The following PDE3A variants were observed in gnomAD, a reference collection of about 807,000 sequenced individuals.
PDE3A encodes the protein cGMP-inhibited 3',5'-cyclic phosphodiesterase 3A.
Under a neutral mutation model 98.3 loss-of-function variants are expected in PDE3A, and 43 were observed. The observed-to-expected ratio is 0.44, with a 90% CI of 0.34 to 0.56. The LOEUF is 0.56. Among genes scored for constraint, PDE3A ranks in the 20% least tolerant of loss-of-function variants. The pLI is 0.01. For missense variants in PDE3A, 1,427 were observed against 1,440.7 expected, an observed-to-expected ratio of 0.99 and a Z score of 0.15; for synonymous variants, 663 against 567.9, an observed-to-expected ratio of 1.17 and a Z score of -2.38.
rs1944794470 is a variant in PDE3A, at chr12:20,647,169, C to T, written c.2565+219C>T. ...ACTTTATTATCCATGGGAATCATTT[C>T]TCAGTTTTCTTCTTAGGAAGAAAAC... On this transcript the variant is annotated intron_variant, in intron 12 of 15. Transcript: ENST00000359062. Among the ~76,000 whole-genome samples, 3 of 152,262 alleles carry T rather than the reference C, an allele frequency of 2.0e-5. No homozygotes were observed. The South Asian group carries it at 6.2e-4, about 32-fold the overall frequency.
intron 1 of PDE3A, among the ~76,000 whole-genome samples, chr12:20,463,980 C>T (rs867293974): frequency 6.6e-6 from 1 of 152,110 alleles, no homozygotes; most frequent in African/African-American, 2.4e-5. Flanking sequence ...GGATTTTCCA[C>T]TTAATTTATT....
intron 2 of PDE3A, among the ~76,000 whole-genome samples, chr12:20,567,487 G>A (rs1209380810): frequency 6.6e-6 from 1 of 151,958 alleles, no homozygotes; most frequent in African/African-American, 2.4e-5. Flanking sequence ...TACTTTGACT[G>A]TAAACTGAAA....
intron 5 of PDE3A, among the ~76,000 whole-genome samples, chr12:20,627,189 TCA>T (rs1223169463): frequency 1.4e-5 from 2 of 148,132 alleles, no homozygotes; most frequent in Admixed American, 6.7e-5. Context: ...GTCCCAAAAC[TCA>T]CAGTTTACTA....
rs1407606123 is a variant in PDE3A at position 20,655,829 on chromosome 12, G to A, written c.3184+1624G>A. Among the ~76,000 whole-genome samples, 4 of 152,146 alleles carry A rather than the reference G, an allele frequency of 2.6e-5. No individual in the cohort carries two copies. The South Asian group carries it at 8.3e-4, about 32-fold the overall frequency. On this transcript the variant is annotated intron_variant, in intron 15 of 15. Transcript: ENST00000359062. ...TGAGAAGGGAGCAAGGATAGACATA[G>A]GGCGGTCAGTTAGGAGACCATTGAA...
intron 1 of PDE3A, among the ~76,000 whole-genome samples, chr12:20,509,626 C>T (rs1045756181): frequency 2.6e-5 from 4 of 151,986 alleles, no homozygotes; most frequent in Non-Finnish European, 4.4e-5. Flanking sequence ...TCTCTGCCTA[C>T]TTTTTTGTTT....
chr12:20,597,430 G>C (rs978904942), intron 2 of PDE3A, among the ~76,000 whole-genome samples: 1 of 152,164 alleles, frequency 6.6e-6, no homozygotes, highest in Non-Finnish European at 1.5e-5. Flanking sequence ...ATAGTGATAA[G>C]TATGTTTGCT....
chr12:20,576,737 G>C (rs1421171823), intron 2 of PDE3A, among the ~76,000 whole-genome samples: 1 of 152,058 alleles, frequency 6.6e-6, no homozygotes, highest in African/African-American at 2.4e-5. Flanking sequence ...CAATCTTCTT[G>C]TCAGTTACAG....
Position 20,630,002 on chromosome 12 carries a change from G to T in PDE3A, c.1635G>T (p.Val545=), listed in dbSNP as rs748168900. 1.9e-6 allele frequency: 3 copies of T among 1,613,922 alleles called. No homozygotes were observed. The highest frequency in any genetic ancestry group is 2.5e-6 in the Non-Finnish European group (3 of 1,179,882). ...GCCTGGTCAGCAAAATTTCTGCAGTGCAGTTTCCAGAATCTGCTGACACAA... is the reference window on the plus strand; with the variant it reads ...GCCTGGTCAGCAAAATTTCTGCAGTTCAGTTTCCAGAATCTGCTGACACAA... ...ASSLVSKISA[V]QFPESADTTA... Residue 545 remains valine, a synonymous_variant, in exon 6 of 16, where the codon GTG becomes GTT. Transcript: ENST00000359062.
intron 2 of PDE3A, among the ~76,000 whole-genome samples, chr12:20,595,267 T>C (rs983094791): frequency 5.9e-5 from 9 of 152,114 alleles, no homozygotes; most frequent in African/African-American, 2.2e-4. Flanking sequence ...AGCAACAAAC[T>C]TTCTTCTGAA....
intron 1 of PDE3A, among the ~76,000 whole-genome samples, chr12:20,379,021 A>G (rs1943619281): frequency 6.6e-6 from 1 of 151,722 alleles, no homozygotes; most frequent in Admixed American, 6.6e-5. Context: ...GTTTAATAGG[A>G]TTTTAGTAAA....
At chr12:20,596,809 G>C (rs543764966) in intron 2 of PDE3A, among the ~76,000 whole-genome samples, 1 of 152,110 alleles carries the variant, frequency 6.6e-6, no homozygotes, top group Admixed American at 6.6e-5. Flanking sequence ...GTTTACTGAT[G>C]ATGTTAACAA....
At chr12:20,438,663 A>G (rs983264972) in intron 1 of PDE3A, among the ~76,000 whole-genome samples, 4 of 152,136 alleles carry the variant, frequency 2.6e-5, no homozygotes, top group Non-Finnish European at 4.4e-5. Flanking sequence ...CTCTGACACA[A>G]CTAGAGTCCA....
chr12:20,557,269 C>T (rs1942393346), intron 2 of PDE3A: 2 of 153,292 alleles, frequency 1.3e-5, no homozygotes, highest in Non-Finnish European at 2.9e-5. Flanking sequence ...GAAAAGCTTC[C>T]ATGACGCATT....
At chr12:20,559,778 AGGTGT>A (rs1258057183) in intron 2 of PDE3A, among the ~76,000 whole-genome samples, 1 of 152,140 alleles carries the variant, frequency 6.6e-6, no homozygotes, top group Non-Finnish European at 1.5e-5. Context: ...ATGATGTCTG[AGGTGT>A]GGCTTTAAGG....
At chr12:20,680,007 G>T in intron 15 of PDE3A, 23 bp from the exon 16 acceptor site, 1 of 1,556,908 alleles carries the variant, frequency 6.4e-7, no homozygotes, top group Non-Finnish European at 8.8e-7. Context: ...CTGATTTGGT[G>T]TTTTTTATTT....
chr12:20,516,535 C>A (rs964375246), intron 1 of PDE3A, among the ~76,000 whole-genome samples: 2 of 152,080 alleles, frequency 1.3e-5, no homozygotes, highest in Admixed American at 1.3e-4. Context: ...AAAAATGAAG[C>A]CTCAATGTCT....
intron 9 of PDE3A, among the ~76,000 whole-genome samples, chr12:20,639,199 A>G (rs1944590186): frequency 6.6e-6 from 1 of 152,138 alleles, no homozygotes; most frequent in South Asian, 2.1e-4. Context: ...GGAGAAAACA[A>G]TTTGACCAAA....
chr12:20,623,138 A>G lies in PDE3A; in HGVS notation c.1540+1727A>G, dbSNP rs559488135. On this transcript the variant is annotated intron_variant, in intron 5 of 15. Transcript: ENST00000359062. Reference sequence around the variant, plus strand: ...ATAGTAGACTACTGAAGAAAGAATTATTAAACTGGGTAGAGAAAGATCGGA... The same window carrying G: ...ATAGTAGACTACTGAAGAAAGAATTGTTAAACTGGGTAGAGAAAGATCGGA... Among the ~76,000 whole-genome samples the G allele has an allele frequency of 1.4e-4, 21 of 152,288 alleles. No individual in the cohort carries two copies. In the East Asian group the frequency reaches 3.9e-3, roughly 28 times the overall value.
intron 2 of PDE3A, among the ~76,000 whole-genome samples, chr12:20,578,556 C>T (rs1008889736): frequency 1.3e-5 from 2 of 151,952 alleles, no homozygotes; most frequent in Non-Finnish European, 2.9e-5. Context: ...TCACAATAAG[C>T]ACTATCATTT....
Sources: allele counts gnomAD v4.1 joint callset (sites outside exome capture counted in the v4.1 genomes callset), GRCh38; gene constraint gnomAD v4.1.1; transcripts MANE v1.5; gene names NCBI Gene and HGNC (gene_info 2026-07-23, HGNC 2026-07-21).